The following RNF220 variants were observed in gnomAD, a reference collection of about 807,000 sequenced individuals.
RNF220 encodes the protein ring finger protein 220.
RNF220 carries 7 observed loss-of-function variants against 67.1 expected under a neutral mutation model. The ratio of observed to expected loss-of-function variants is 0.10; its 90% CI spans 0.06 to 0.20. The LOEUF (loss-of-function observed/expected upper bound fraction) is 0.20. Among genes scored for constraint, RNF220 ranks in the 10% least tolerant of loss-of-function variants. The probability of loss-of-function intolerance (pLI) is 1.00; values close to 1 mark genes in which losing one functional copy is unlikely to be tolerated. For missense variants in RNF220, 565 were observed against 740.3 expected, an observed-to-expected ratio of 0.76 and a Z score of 2.75; for synonymous variants, 270 against 283.2, an observed-to-expected ratio of 0.95 and a Z score of 0.47.
chr1:44,429,961 G>A (rs1650185127), intron 2 of RNF220, among the ~76,000 whole-genome samples: 1 of 151,596 alleles, frequency 6.6e-6, no homozygotes, highest in Admixed American at 6.6e-5. Flanking sequence ...AATGTACATT[G>A]ATAAGAAATT....
intron 2 of RNF220, among the ~76,000 whole-genome samples, chr1:44,587,274 A>G (rs979811470): frequency 8.1e-5 from 12 of 148,948 alleles, no homozygotes; most frequent in Non-Finnish European, 1.6e-4. Context: ...CAGCCTCCCT[A>G]CTAGCTGGGA....
intron 2 of RNF220, among the ~76,000 whole-genome samples, chr1:44,424,435 A>C (rs1404748492): frequency 6.6e-6 from 1 of 152,146 alleles, no homozygotes; most frequent in Non-Finnish European, 1.5e-5. Flanking sequence ...GCAAGTAGCC[A>C]TCCTAGGTGA....
intron 2 of RNF220, among the ~76,000 whole-genome samples, chr1:44,464,079 G>C (rs1654047931): frequency 6.6e-6 from 1 of 152,232 alleles, no homozygotes; most frequent in South Asian, 2.1e-4. Flanking sequence ...GCAGAAAATA[G>C]GGATATTTAG....
At chr1:44,455,534 T>G (rs1415922961) in intron 2 of RNF220, among the ~76,000 whole-genome samples, 2 of 152,202 alleles carry the variant, frequency 1.3e-5, no homozygotes, top group African/African-American at 4.8e-5. Context: ...GGTAGGGATT[T>G]AATAAATATT....
chr1:44,523,944 G>A (rs558546953), intron 2 of RNF220, among the ~76,000 whole-genome samples: 3 of 152,192 alleles, frequency 2.0e-5, no homozygotes, highest in Non-Finnish European at 4.4e-5. Context: ...GGTCCCTGGG[G>A]AATTAGCTGG....
rs148273791 is a variant in RNF220 at position 44,646,473 on chromosome 1, C to T, written c.1445+985C>T. ...GCTCCGTGTCAGCGCCGGAGCGGGC[C>T]GTATGGGTTCTGCGCAACCAGCTTG... On this transcript the variant is annotated intron_variant, in intron 12 of 14. Coordinates refer to ENST00000361799, the MANE Select transcript of RNF220 (RefSeq NM_018150.4). Among the ~76,000 whole-genome samples the T allele has an allele frequency of 1.2e-3, 190 of 152,370 alleles. 1 individual carries two copies. Among genetic ancestry groups the T allele is most frequent in the African/African-American group, 4.2e-3 (176 of 41,586 alleles).
At chr1:44,593,847 C>A (rs1666279904) in intron 2 of RNF220, among the ~76,000 whole-genome samples, 1 of 152,148 alleles carries the variant, frequency 6.6e-6, no homozygotes, top group African/African-American at 2.4e-5. Flanking sequence ...CTTTGGGAGG[C>A]CAAGGCGTGG....
chr1:44,521,185 C>T (rs1313949731), intron 2 of RNF220, among the ~76,000 whole-genome samples: 2 of 152,316 alleles, frequency 1.3e-5, no homozygotes, highest in East Asian at 3.9e-4. Flanking sequence ...GCATGAGCCA[C>T]CACCTAAGGT....
intron 1 of RNF220, among the ~76,000 whole-genome samples, chr1:44,407,670 G>A (rs1049700468): frequency 9.2e-5 from 14 of 152,148 alleles, no homozygotes; most frequent in Middle Eastern, 3.4e-3. Context: ...GCGGCGGCCG[G>A]ACGGCCGCGG....
intron 2 of RNF220, among the ~76,000 whole-genome samples, chr1:44,491,267 G>A (rs2148052909): frequency 6.6e-6 from 1 of 151,764 alleles, no homozygotes; most frequent in Admixed American, 6.6e-5. Context: ...CCAAAACCAG[G>A]CAAACATATC....
At chr1:44,443,054 T>C (rs1194788453) in intron 2 of RNF220, among the ~76,000 whole-genome samples, 2 of 152,168 alleles carry the variant, frequency 1.3e-5, no homozygotes, top group African/African-American at 2.4e-5. Flanking sequence ...TTTCACAATT[T>C]TGAGACCTAG....
intron 2 of RNF220, among the ~76,000 whole-genome samples, chr1:44,564,751 CA>C (rs34127522): frequency 0.012 from 1,133 of 93,690 alleles, 7 homozygotes; most frequent in African/African-American, 0.022. Flanking sequence ...GACTCCATCT[CA>C]AAAAAAAAAA....
intron 2 of RNF220, among the ~76,000 whole-genome samples, chr1:44,577,108 CA>C (rs1664865117): frequency 6.6e-6 from 1 of 152,212 alleles, no homozygotes; most frequent in Admixed American, 6.5e-5. Flanking sequence ...AACATTGGCT[CA>C]GATAGCCCCA....
At position 44,538,510 on chromosome 1, in the gene RNF220, C is replaced by T. The variant is rs535512743; in HGVS notation, c.626-75655C>T. On this transcript the variant is annotated intron_variant, in intron 2 of 14. Coordinates refer to ENST00000361799, the MANE Select transcript of RNF220 (RefSeq NM_018150.4). Reference sequence around the variant, plus strand: ...CTCGCTACTGCAAGTAAACTGCTCTCTCAAACAGCAGTAACAACCTCGGAA... The same window carrying T: ...CTCGCTACTGCAAGTAAACTGCTCTTTCAAACAGCAGTAACAACCTCGGAA... Among the ~76,000 whole-genome samples, 5 of 152,370 alleles carry T rather than the reference C, an allele frequency of 3.3e-5. No homozygotes were observed. The East Asian group carries it at 7.7e-4, about 23-fold the overall frequency.
At chr1:44,502,928 A>G (rs550069268) in intron 2 of RNF220, among the ~76,000 whole-genome samples, 1 of 152,122 alleles carries the variant, frequency 6.6e-6, no homozygotes, top group East Asian at 1.9e-4. Context: ...GTCATGCCTG[A>G]CTAATTTTTT....
Position 44,509,884 on chromosome 1 carries a change from C to CAAAAAAAA in RNF220, c.625+97162_625+97163insAAAAAAAA, listed in dbSNP as rs1557996558. On this transcript the variant is annotated intron_variant, in intron 2 of 14. Coordinates refer to ENST00000361799, the MANE Select transcript of RNF220 (RefSeq NM_018150.4). ...CCTGGGTGACAGAGCGAGACCCTGT[C>CAAAAAAAA]CAAAAAAAAAAAAAAAAAAAAAGGA... is the stretch of plus-strand genomic sequence containing the variant. 5.8e-3 allele frequency among the ~76,000 whole-genome samples: 467 copies of CAAAAAAAA among 80,380 alleles called. 74 individuals carry two copies. The highest frequency in any genetic ancestry group is 0.013 in the African/African-American group (285 of 21,246). The allele number at this position is 80,380 out of a possible 152,430, so 52.7% of individuals were successfully genotyped here.
chr1:44,623,456 A>C (rs1394457618), intron 4 of RNF220, among the ~76,000 whole-genome samples: 1 of 152,266 alleles, frequency 6.6e-6, no homozygotes, highest in East Asian at 1.9e-4. Flanking sequence ...GGCCATGGAC[A>C]CAGTGGGTAC....
chr1:44,642,091 G>T (rs973405369), intron 8 of RNF220, among the ~76,000 whole-genome samples: 3 of 152,264 alleles, frequency 2.0e-5, no homozygotes, highest in African/African-American at 7.2e-5. Flanking sequence ...GCTCTGCTGG[G>T]TGATGCTGAG....
intron 2 of RNF220, among the ~76,000 whole-genome samples, chr1:44,551,914 A>C (rs1662667614): frequency 6.6e-6 from 1 of 151,620 alleles, no homozygotes; most frequent in Non-Finnish European, 1.5e-5. Context: ...CCTAACACAT[A>C]CCTCCATTTT....
Sources: allele counts gnomAD v4.1 joint callset (sites outside exome capture counted in the v4.1 genomes callset), GRCh38; gene constraint gnomAD v4.1.1; transcripts MANE v1.5; gene names NCBI Gene and HGNC (gene_info 2026-07-23, HGNC 2026-07-21).